Variants in DOCK1 observed in about 807,000 individuals in gnomAD.
DOCK1 encodes dedicator of cytokinesis protein 1.
A neutral mutation model predicts 262.7 loss-of-function variants in DOCK1; 138 were observed. That is an observed-to-expected ratio of 0.53 (90% CI 0.46 to 0.61). The LOEUF (loss-of-function observed/expected upper bound fraction) is 0.61, where lower values mean the gene tolerates loss of function less well. Ranked by LOEUF, DOCK1 falls within the 20% of genes least tolerant of loss-of-function variation. The pLI is 0.00. For missense variants in DOCK1, 1,908 were observed against 2,370.7 expected (o/e 0.80, Z 4.05); for synonymous variants, 866 against 867.4 (o/e 1.00, Z 0.03).
intron 29 of DOCK1, among the ~76,000 whole-genome samples, chr10:127,264,201 C>T (rs539116762): frequency 2.6e-5 from 4 of 152,144 alleles, no homozygotes; most frequent in Non-Finnish European, 4.4e-5. Flanking sequence ...TCAACTACTC[C>T]AGCTCACAGC....
chr10:127,311,577 C>T (rs541865079), intron 29 of DOCK1, among the ~76,000 whole-genome samples: 34 of 152,272 alleles, frequency 2.2e-4, no homozygotes, highest in South Asian at 6.2e-4. Flanking sequence ...CCAAAATCCC[C>T]GCAAAAGAAT....
intron 29 of DOCK1, among the ~76,000 whole-genome samples, chr10:127,325,395 A>G (rs558553387): frequency 7.2e-4 from 110 of 152,192 alleles, no homozygotes; most frequent in African/African-American, 2.4e-3. Context: ...TGTTCTGGGC[A>G]CTCTATGCAA....
intron 27 of DOCK1, among the ~76,000 whole-genome samples, chr10:127,167,514 C>A (rs900155326): frequency 1.3e-5 from 2 of 151,992 alleles, no homozygotes; most frequent in African/African-American, 2.4e-5. Context: ...CCCCCCGCCC[C>A]GAAACTTTTA....
chr10:127,231,831 C>T (rs771364731), intron 27 of DOCK1, among the ~76,000 whole-genome samples: 5 of 152,140 alleles, frequency 3.3e-5, no homozygotes, highest in Non-Finnish European at 5.9e-5. Flanking sequence ...TGAGTGCATT[C>T]GCTCAGACAT....
At chr10:127,407,832 A>AC (rs528825901) in intron 40 of DOCK1, among the ~76,000 whole-genome samples, 16 of 151,464 alleles carry the variant, frequency 1.1e-4, no homozygotes, top group Middle Eastern at 3.4e-3. Flanking sequence ...GGAAAGTGTT[A>AC]CCCCCCCAAC....
intron 32 of DOCK1, among the ~76,000 whole-genome samples, chr10:127,360,480 AG>A (rs1477503370): frequency 1.3e-5 from 2 of 152,258 alleles, no homozygotes; most frequent in African/African-American, 4.8e-5. Flanking sequence ...ACAGAGACCC[AG>A]GAAGGTATGA....
chr10:127,179,686 TG>T (rs1564876750), intron 27 of DOCK1, among the ~76,000 whole-genome samples: 1 of 152,198 alleles, frequency 6.6e-6, no homozygotes. Context: ...AAAATGATTT[TG>T]TTATGAAAGG....
chr10:127,395,215 G>A (rs4751327), intron 38 of DOCK1, among the ~76,000 whole-genome samples: 62,913 of 152,008 alleles, frequency 0.41, 13,725 homozygotes, highest in Middle Eastern at 0.54. Context: ...ATAAACCACA[G>A]ATTCATTTCT....
At chr10:127,296,628 G>C (rs2135403269) in intron 29 of DOCK1, among the ~76,000 whole-genome samples, 1 of 152,346 alleles carries the variant, frequency 6.6e-6, no homozygotes, top group East Asian at 1.9e-4. Context: ...TTGCTGCAGA[G>C]TGTGTTTGCT....
At position 126,984,836 on chromosome 10, in the gene DOCK1, G is replaced by T. The variant is rs547076375; in HGVS notation, c.228-2685G>T. Reference sequence around the variant, plus strand: ...TGAGAACACTTAAAATCTACTCTCAGCAATTTCGAGTATACAATACATAGC... The same window carrying T: ...TGAGAACACTTAAAATCTACTCTCATCAATTTCGAGTATACAATACATAGC... On this transcript the variant is annotated intron_variant, in intron 4 of 51. Coordinates refer to ENST00000623213, the MANE Select transcript of DOCK1 (RefSeq NM_001290223.2). Among the ~76,000 whole-genome samples the T allele has an allele frequency of 3.3e-5, 5 of 152,148 alleles. No homozygotes were observed. The East Asian group carries it at 9.7e-4, about 29-fold the overall frequency.
intron 27 of DOCK1, among the ~76,000 whole-genome samples, chr10:127,241,043 G>A (rs2059244790): frequency 6.6e-6 from 1 of 152,258 alleles, no homozygotes; most frequent in Admixed American, 6.5e-5. Flanking sequence ...TAGTTCTTTG[G>A]CTGGGCGCGG....
At chr10:126,908,911 C>T (rs1250446880) in intron 1 of DOCK1, among the ~76,000 whole-genome samples, 8 of 152,226 alleles carry the variant, frequency 5.3e-5, no homozygotes, top group South Asian at 2.1e-4. Flanking sequence ...TAGAATCACA[C>T]GTGAGGACCA....
chr10:127,249,443 A>G (rs1033360315), intron 28 of DOCK1, among the ~76,000 whole-genome samples: 10 of 150,130 alleles, frequency 6.7e-5, no homozygotes, highest in Non-Finnish European at 1.5e-4. Context: ...ACACACACAC[A>G]CACACACACA....
At chr10:127,052,298 G>A (rs937291968) in intron 21 of DOCK1, among the ~76,000 whole-genome samples, 6 of 152,194 alleles carry the variant, frequency 3.9e-5, no homozygotes, top group Non-Finnish European at 7.3e-5. Context: ...GCCAAGGGGG[G>A]TGGATTGCCT....
intron 29 of DOCK1, among the ~76,000 whole-genome samples, chr10:127,305,570 A>C (rs1308830946): frequency 6.6e-6 from 1 of 152,152 alleles, no homozygotes; most frequent in Non-Finnish European, 1.5e-5. Context: ...TGGGAACAGT[A>C]AAGAAATGAG....
At chr10:127,226,474 T>C (rs868832663) in intron 27 of DOCK1, among the ~76,000 whole-genome samples, 3 of 148,968 alleles carry the variant, frequency 2.0e-5, no homozygotes, top group African/African-American at 4.9e-5. Flanking sequence ...CTGGGCACAG[T>C]GGCTCACACC....
intron 1 of DOCK1, among the ~76,000 whole-genome samples, chr10:126,922,191 CAG>C (rs2033266186): frequency 8.7e-6 from 1 of 115,068 alleles, no homozygotes. Context: ...GCCTGGGTGA[CAG>C]AGTACGACCC....
At chr10:127,245,597 C>T (rs2059406785) in intron 27 of DOCK1, among the ~76,000 whole-genome samples, 2 of 152,202 alleles carry the variant, frequency 1.3e-5, no homozygotes, top group Admixed American at 6.5e-5. Context: ...TGTGTTACAA[C>T]GGTTTTGGCA....
chr10:127,236,696 C>T (rs776503769), intron 27 of DOCK1, among the ~76,000 whole-genome samples: 21 of 151,512 alleles, frequency 1.4e-4, no homozygotes, highest in African/African-American at 1.9e-4. Context: ...ATTTGACTCC[C>T]GTGTCAATGT....
Sources: gnomAD v4.1 joint callset for allele counts (sites outside exome capture counted in the v4.1 genomes callset) on GRCh38, gnomAD v4.1.1 for gene constraint, MANE v1.5 for transcripts, NCBI Gene and HGNC (gene_info 2026-07-23, HGNC 2026-07-21) for gene names.